BCORL1: variants seen among roughly 807,000 people sequenced by gnomAD.
The protein encoded by BCORL1 is BCL6 corepressor like 1.
A neutral mutation model predicts 87.6 loss-of-function variants in BCORL1; 7 were observed. That is an observed-to-expected ratio of 0.08 (90% CI 0.05 to 0.15). The LOEUF (loss-of-function observed/expected upper bound fraction) is 0.15. BCORL1 is among the 10% of genes least tolerant of loss of function. The pLI is 1.00. For synonymous variants in BCORL1, 591 were observed against 634.4 expected (o/e 0.93, Z 1.03); for missense variants, 1,215 against 1,499.7 (o/e 0.81, Z 3.13).
chrX:130,012,777 C>T lies in BCORL1; in HGVS notation c.177+109C>T. The T allele has an allele frequency of 1.2e-5, 12 of 996,852 alleles. No individual in the cohort carries two copies. The South Asian group carries it at 2.4e-4, about 20-fold the overall frequency. The allele number at this position is 996,852 out of a possible 1,213,427, so 82.2% of individuals were successfully genotyped here. A position where few individuals can be genotyped will look rare whatever the true frequency, so the allele number is the denominator to read the frequency against. On this transcript the variant is annotated intron_variant, in intron 3 of 13. Transcript: ENST00000540052. ...GGAAGTGGGCAGGAAGGGACAGGGT[C>T]TCTCCCAGGAGTTGGTATTGGTGGG...
At chrX:130,032,226 G>A (rs1328562071) in intron 8 of BCORL1, among the ~76,000 whole-genome samples, 1 of 112,008 alleles carries the variant, frequency 8.9e-6, no homozygotes, top group Non-Finnish European at 1.9e-5. Flanking sequence ...GGGGTCTCTC[G>A]TGAGGTTGCA....
chrX:129,991,235 G>A (rs1427479522), intron 1 of BCORL1, among the ~76,000 whole-genome samples: 2 of 111,819 alleles, frequency 1.8e-5, no homozygotes, highest in Admixed American at 9.6e-5. Context: ...TCCTGCCTCA[G>A]CCTTCTGAGT....
At chrX:129,998,677 A>G (rs1189484314) in intron 1 of BCORL1, among the ~76,000 whole-genome samples, 1 of 111,691 alleles carries the variant, frequency 9.0e-6, no homozygotes, top group East Asian at 2.8e-4. Context: ...GTGAGCATTC[A>G]CGCAGTCAGG....
intron 9 of BCORL1, 106 bp from the exon 10 acceptor site, chrX:130,037,261 C>T: frequency 2.5e-6 from 2 of 815,071 alleles, no homozygotes; most frequent in African/African-American, 2.0e-5. Context: ...CTATAAAGGG[C>T]AGGCTCTGAG....
intron 11 of BCORL1, among the ~76,000 whole-genome samples, chrX:130,047,059 G>A (rs748211836): frequency 1.2e-4 from 13 of 111,187 alleles, no homozygotes; most frequent in Non-Finnish European, 2.3e-4. Flanking sequence ...AGGTCTAGCC[G>A]TGTGTTAGCA....
In BCORL1 at chrX:130,055,153, G is replaced by A. The variant is rs777710758; in HGVS notation, c.5076-701G>A. ...ATTAGTCAATGTAAGCGTTTGGCCC[G>A]GGATCGGCCTCTCCAGCACCCCTCC... On this transcript the variant is annotated intron_variant, in intron 13 of 13. Transcript: ENST00000540052. Among the ~76,000 whole-genome samples the A allele has an allele frequency of 2.7e-3, 304 of 112,040 alleles. 1 individual carries two copies. The highest frequency in any genetic ancestry group is 3.4e-3 in the Non-Finnish European group (181 of 53,150).
intron 13 of BCORL1, among the ~76,000 whole-genome samples, chrX:130,055,365 T>TC (rs768137766): frequency 1.3e-4 from 14 of 111,919 alleles, no homozygotes; most frequent in South Asian, 3.7e-4. Context: ...TCTCCACGGC[T>TC]CCCCCTCTGC....
intron 1 of BCORL1, among the ~76,000 whole-genome samples, chrX:129,990,777 A>G (rs1034154168): frequency 2.7e-5 from 3 of 111,706 alleles, no homozygotes; most frequent in African/African-American, 9.8e-5. Flanking sequence ...TTTAACAGCT[A>G]TGCTGTAACA....
intron 4 of BCORL1, among the ~76,000 whole-genome samples, chrX:130,017,057 G>C (rs1190583536): frequency 2.7e-5 from 3 of 112,310 alleles, no homozygotes; most frequent in Non-Finnish European, 5.6e-5. Context: ...TTTCTGGCTA[G>C]AGCACTGTGA....
Position 129,983,506 on chromosome X carries a change from G to A in BCORL1, c.-45+744G>A, listed in dbSNP as rs779996616. Among the ~76,000 whole-genome samples the A allele has an allele frequency of 4.5e-3, 482 of 106,910 alleles. 1 individual carries two copies. Among genetic ancestry groups the A allele is most frequent in the Non-Finnish European group, 7.0e-3 (360 of 51,398 alleles). 92.8% of individuals were successfully genotyped at this position (106,910 alleles called of 115,157 possible). ...CCAACCTCAGAGGGGAGGTGCGACG[G>A]GTGCTCTTCAGGGCTGCTTTCTTCC... On this transcript the variant is annotated intron_variant, in intron 1 of 13. Coordinates refer to ENST00000540052, the MANE Select transcript of BCORL1 (RefSeq NM_001379451.1).
Position 130,025,318 on chromosome X carries a change from A to G in BCORL1, c.4017A>G (p.Lys1339=), listed in dbSNP as rs1273651672. ...RKKRRRQKSR[K]YQTGEYLTEQ... is the part of the protein sequence containing the mutation. ...AACGAAGACGGCAGAAGAGCCGAAA[A>G]TATCAGACTGGGGAGTACCTGACAG... The change falls in exon 7 of 14, where the codon AAA becomes AAG. Residue 1339 remains lysine, a synonymous_variant. Coordinates refer to ENST00000540052, the MANE Select transcript of BCORL1 (RefSeq NM_001379451.1). 8.4e-7 allele frequency: 1 copy of G among 1,189,613 alleles called. No homozygotes were observed. Among genetic ancestry groups the G allele is most frequent in the Non-Finnish European group, 1.1e-6 (1 of 886,040 alleles).
At chrX:129,991,317 GCCAT>G (rs1239078981) in intron 1 of BCORL1, among the ~76,000 whole-genome samples, 1 of 110,488 alleles carries the variant, frequency 9.1e-6, no homozygotes, top group Non-Finnish European at 1.9e-5. Context: ...ATGGGGTTTT[GCCAT>G]GTTGGCCTGG....
intron 4 of BCORL1, 61 bp downstream of exon 4, chrX:130,016,274 G>T: frequency 8.9e-7 from 1 of 1,123,383 alleles, no homozygotes; most frequent in South Asian, 2.1e-5. Context: ...TTCGTGCCAT[G>T]GATAGCAACC....
At chrX:129,999,684 T>TCC (rs752561238) in intron 1 of BCORL1, among the ~76,000 whole-genome samples, 3 of 90,856 alleles carry the variant, frequency 3.3e-5, no homozygotes, top group African/African-American at 4.6e-5. Context: ...TAATTCTTTT[T>TCC]CCCCCCCCCC....
At chrX:130,001,353 T>A (rs1404836293) in intron 1 of BCORL1, among the ~76,000 whole-genome samples, 3 of 112,480 alleles carry the variant, frequency 2.7e-5, no homozygotes, top group African/African-American at 9.7e-5. Context: ...CCTCCCGAAG[T>A]GCTGGGATTA....
At chrX:130,011,479 G>A (rs757707450) in intron 2 of BCORL1, among the ~76,000 whole-genome samples, 1 of 111,654 alleles carries the variant, frequency 9.0e-6, no homozygotes, top group Non-Finnish European at 1.9e-5. Context: ...CCTCAGTGAT[G>A]CACCCACCTC....
At chrX:130,049,641 C>T (rs556485116) in intron 11 of BCORL1, among the ~76,000 whole-genome samples, 4 of 112,362 alleles carry the variant, frequency 3.6e-5, no homozygotes, top group Non-Finnish European at 5.6e-5. Context: ...TACAGGCGTG[C>T]GCCACTGTGC....
rs993306063 is a variant in BCORL1, at chrX:130,042,951, C to T, written c.4840+3669C>T. ...TCACACCACTGCACTCCAGCCTGGGCGACAGAGCGAGACTCCGTCTCAAAA... is the reference window on the plus strand; with the variant it reads ...TCACACCACTGCACTCCAGCCTGGGTGACAGAGCGAGACTCCGTCTCAAAA... On this transcript the variant is annotated intron_variant, in intron 11 of 13. Transcript: ENST00000540052. Among the ~76,000 whole-genome samples, 3 of 103,894 alleles carry T rather than the reference C, an allele frequency of 2.9e-5. No individual in the cohort carries two copies. The Admixed American group carries it at 3.2e-4, about 11-fold the overall frequency. The allele number at this position is 103,894 out of a possible 115,157, so 90.2% of individuals were successfully genotyped here.
intron 11 of BCORL1, among the ~76,000 whole-genome samples, chrX:130,045,829 G>C (rs1254131443): frequency 3.6e-5 from 4 of 109,998 alleles, no homozygotes. Flanking sequence ...TGTTACCCAG[G>C]CTGGTCTTGA....
Sources: gnomAD v4.1 joint callset for allele counts (sites outside exome capture counted in the v4.1 genomes callset) on GRCh38, gnomAD v4.1.1 for gene constraint, MANE v1.5 for transcripts, NCBI Gene and HGNC (gene_info 2026-07-23, HGNC 2026-07-21) for gene names.